The following STX2 variants were observed in gnomAD, a reference collection of about 807,000 sequenced individuals.
The protein encoded by STX2 is syntaxin 2.
Under a neutral mutation model 40.6 loss-of-function variants are expected in STX2, and 27 were observed. The ratio of observed to expected loss-of-function variants is 0.66; its 90% CI spans 0.49 to 0.92. The LOEUF (loss-of-function observed/expected upper bound fraction) is 0.92, where lower values mean the gene tolerates loss of function less well. Ranked by LOEUF, STX2 falls within the 40% of genes least tolerant of loss-of-function variation. The pLI, the probability that STX2 is intolerant of heterozygous loss-of-function variation, is 0.00. For missense variants in STX2, 328 were observed against 366.1 expected (o/e 0.90, Z 0.85); for synonymous variants, 123 against 119.1 (o/e 1.03, Z -0.22).
intron 3 of STX2, among the ~76,000 whole-genome samples, chr12:130,818,470 C>G (rs1265816384): frequency 1.3e-5 from 2 of 151,932 alleles, no homozygotes. Flanking sequence ...GGGAACTGCC[C>G]CGGGAGAGGT....
At chr12:130,804,642 C>T (rs557865859) in intron 6 of STX2, among the ~76,000 whole-genome samples, 170 of 152,212 alleles carry the variant, frequency 1.1e-3, no homozygotes, top group Non-Finnish European at 2.0e-3. Context: ...ATGTTTCCTT[C>T]GAGAAACTGG....
chr12:130,806,032 C>T (rs1190302737), intron 6 of STX2, among the ~76,000 whole-genome samples: 3 of 152,204 alleles, frequency 2.0e-5, no homozygotes, highest in Non-Finnish European at 4.4e-5. Flanking sequence ...AAACCAGTGT[C>T]TCCGATGAAA....
chr12:130,812,824 T>C lies in STX2; in HGVS notation c.280+133A>G, dbSNP rs559753143. 250 of 655,994 alleles carry C rather than the reference T, an allele frequency of 3.8e-4. 1 individual carries two copies. The East Asian group carries it at 3.9e-3, about 10-fold the overall frequency. The allele number at this position is 655,994 out of a possible 1,614,324, so 40.6% of individuals were successfully genotyped here. On this transcript the variant is annotated intron_variant, in intron 4 of 10. Coordinates refer to ENST00000392373, the MANE Select transcript of STX2 (RefSeq NM_194356.4). ...ATATTAATTAGTACTCTGAATTACA[T>C]ACAAATAATTTATTTTAAAGCAGTC...
chr12:130,826,415 G>A (rs1420880866), intron 2 of STX2, among the ~76,000 whole-genome samples: 1 of 152,130 alleles, frequency 6.6e-6, no homozygotes, highest in Non-Finnish European at 1.5e-5. Flanking sequence ...GCAAGGAGGC[G>A]GTGCTCCTGC....
intron 10 of STX2, among the ~76,000 whole-genome samples, chr12:130,793,248 C>T (rs1186235167): frequency 6.6e-6 from 1 of 152,150 alleles, no homozygotes; most frequent in Non-Finnish European, 1.5e-5. Flanking sequence ...ACTCTGGTTC[C>T]CTGTTAACAT....
chr12:130,791,865 A>C lies in STX2; in HGVS notation c.*158T>G. 1 of 1,572,764 alleles carries C rather than the reference A, an allele frequency of 6.4e-7. No individual in the cohort carries two copies. The highest frequency in any genetic ancestry group is 8.7e-7 in the Non-Finnish European group (1 of 1,145,342). On this transcript the variant is annotated 3_prime_UTR_variant, in exon 11 of 11. Coordinates refer to ENST00000392373, the MANE Select transcript of STX2 (RefSeq NM_194356.4). ...CTGATTTGGTTGCAGATGTGGTCTG[A>C]GTCTCAAGGATAAATGGCTCTTGGG... is the stretch of plus-strand genomic sequence containing the variant.
chr12:130,808,001 C>G (rs1231426245), intron 5 of STX2, among the ~76,000 whole-genome samples: 1 of 152,180 alleles, frequency 6.6e-6, no homozygotes, highest in Non-Finnish European at 1.5e-5. Context: ...TCCCCCCCAC[C>G]AAAAACTAAC....
chr12:130,831,920 G>C (rs552860971), intron 1 of STX2, among the ~76,000 whole-genome samples: 1 of 146,246 alleles, frequency 6.8e-6, no homozygotes, highest in African/African-American at 2.5e-5. Context: ...ACCCAGGCTG[G>C]AGTGCAGTAG....
At chr12:130,824,132 G>A (rs1237560856) in intron 2 of STX2, among the ~76,000 whole-genome samples, 3 of 145,384 alleles carry the variant, frequency 2.1e-5, no homozygotes, top group Non-Finnish European at 4.6e-5. Flanking sequence ...GCTCACCCCT[G>A]TAATCCCAGC....
chr12:130,831,295 T>C (rs924681296), intron 1 of STX2, among the ~76,000 whole-genome samples: 1 of 152,224 alleles, frequency 6.6e-6, no homozygotes, highest in Non-Finnish European at 1.5e-5. Flanking sequence ...AGTACTTTGT[T>C]GCTAGAATAC....
At chr12:130,838,618 C>T (rs998817553) in intron 1 of STX2, among the ~76,000 whole-genome samples, 3 of 152,198 alleles carry the variant, frequency 2.0e-5, no homozygotes, top group African/African-American at 7.2e-5. Context: ...ACCAAGAGGA[C>T]CCGGCCTGCT....
chr12:130,805,618 G>A (rs902743150), intron 6 of STX2, among the ~76,000 whole-genome samples: 3 of 152,156 alleles, frequency 2.0e-5, no homozygotes, highest in African/African-American at 7.2e-5. Flanking sequence ...ATCAGAGCAG[G>A]TGCTCAGAAG....
chr12:130,828,475 T>G (rs1488519210), intron 1 of STX2, among the ~76,000 whole-genome samples: 1 of 146,458 alleles, frequency 6.8e-6, no homozygotes, highest in Non-Finnish European at 1.5e-5. Context: ...CCTGAGCTCA[T>G]GCAATCCGCC....
At chr12:130,818,183 A>ATATATAT (rs1184546368) in intron 3 of STX2, among the ~76,000 whole-genome samples, 26 of 20,314 alleles carry the variant, frequency 1.3e-3, no homozygotes, top group Admixed American at 2.9e-3. Flanking sequence ...AAAAAAAAAA[A>ATATATAT]AAATATATAT....
At chr12:130,807,528 TGCGTGCTTCATCGCCTTGTGCCCATGAGG>T (rs1565913023) in intron 5 of STX2, among the ~76,000 whole-genome samples, 1 of 116,254 alleles carries the variant, frequency 8.6e-6, no homozygotes, top group African/African-American at 3.4e-5. Flanking sequence ...CCCCAGAGCC[TGCGTGCTTCATCGCCTTGTGCCCATGAGG>T]GGACCCAGGC....
chr12:130,817,782 G>C (rs1951916166), intron 3 of STX2, among the ~76,000 whole-genome samples: 1 of 151,690 alleles, frequency 6.6e-6, no homozygotes, highest in East Asian at 1.9e-4. Context: ...AGTGGTGAAA[G>C]AAAACAACTT....
chr12:130,826,772 G>A lies in STX2; in HGVS notation c.105+421C>T, dbSNP rs372316655. Among the ~76,000 whole-genome samples, 45 of 152,018 alleles carry A rather than the reference G, an allele frequency of 3.0e-4. No homozygotes were observed. In the East Asian group the frequency reaches 5.1e-3, roughly 17 times the overall value. On this transcript the variant is annotated intron_variant, in intron 2 of 10. Coordinates refer to ENST00000392373, the MANE Select transcript of STX2 (RefSeq NM_194356.4). ...TCCTAGCACTTTGGGAAGCTGAGGC[G>A]GGCGGATTGCCTGAGCTCAGGAGTT...
chr12:130,837,079 A>G (rs1026269680), intron 1 of STX2, among the ~76,000 whole-genome samples: 4 of 151,100 alleles, frequency 2.6e-5, no homozygotes, highest in Non-Finnish European at 5.9e-5. Flanking sequence ...CAAAATAGTC[A>G]CAGCTCTCAC....
intron 4 of STX2, chr12:130,810,543 T>A (rs2136280597): frequency 6.6e-6 from 1 of 151,756 alleles, no homozygotes; most frequent in East Asian, 1.9e-4. Context: ...AGGAAAGGGG[T>A]GAAATGAGCA....
Sources: gnomAD v4.1 joint callset for allele counts (sites outside exome capture counted in the v4.1 genomes callset) on GRCh38, gnomAD v4.1.1 for gene constraint, MANE v1.5 for transcripts, NCBI Gene and HGNC (gene_info 2026-07-23, HGNC 2026-07-21) for gene names.